Variants in PTPRR observed in about 807,000 individuals in gnomAD.
The protein encoded by PTPRR is protein tyrosine phosphatase receptor type R.
In PTPRR, 38 loss-of-function variants were observed where a neutral mutation model predicts 77.2. The ratio of observed to expected loss-of-function variants is 0.49; its 90% CI spans 0.38 to 0.65. The LOEUF (loss-of-function observed/expected upper bound fraction) is 0.65. Ranked by LOEUF, PTPRR falls within the 30% of genes least tolerant of loss-of-function variation. The pLI is 0.00. For missense variants in PTPRR, 744 were observed against 799.2 expected (o/e 0.93, Z 0.83); for synonymous variants, 299 against 283.1 (o/e 1.06, Z -0.57).
chr12:70,919,226 C>T (rs971695119), intron 1 of PTPRR, among the ~76,000 whole-genome samples: 1 of 152,140 alleles, frequency 6.6e-6, no homozygotes, highest in Non-Finnish European at 1.5e-5. Context: ...CTCATTACCC[C>T]TAGAACATAG....
At chr12:70,715,578 A>AG (rs1264129667) in intron 6 of PTPRR, among the ~76,000 whole-genome samples, 1 of 152,178 alleles carries the variant, frequency 6.6e-6, no homozygotes, top group Non-Finnish European at 1.5e-5. Flanking sequence ...GGCCACGCCC[A>AG]GGGGGGCCAG....
At chr12:70,896,846 C>A (rs1286206332) in intron 1 of PTPRR, among the ~76,000 whole-genome samples, 1 of 151,756 alleles carries the variant, frequency 6.6e-6, no homozygotes, top group Non-Finnish European at 1.5e-5. Context: ...CCAGTTTTCC[C>A]AGCACCATTT....
At chr12:70,867,484 G>A (rs1480870432) in intron 2 of PTPRR, among the ~76,000 whole-genome samples, 6 of 152,120 alleles carry the variant, frequency 3.9e-5, no homozygotes, top group South Asian at 2.1e-4. Flanking sequence ...TACAAGGGAT[G>A]TGAAGGACCT....
At chr12:70,722,000 C>A (rs1345808817) in intron 6 of PTPRR, among the ~76,000 whole-genome samples, 2 of 152,122 alleles carry the variant, frequency 1.3e-5, no homozygotes, top group African/African-American at 4.8e-5. Flanking sequence ...GAAATAAGAA[C>A]AAACTAGCAG....
At chr12:70,856,433 TTCAGG>T (rs1419188328) in intron 2 of PTPRR, among the ~76,000 whole-genome samples, 1 of 152,100 alleles carries the variant, frequency 6.6e-6, no homozygotes, top group Non-Finnish European at 1.5e-5. Flanking sequence ...ATGCCAGTAG[TTCAGG>T]TCAAATGGAG....
chr12:70,706,168 T>A (rs189453408), intron 6 of PTPRR, among the ~76,000 whole-genome samples: 201 of 152,238 alleles, frequency 1.3e-3, no homozygotes, highest in Non-Finnish European at 2.1e-3. Context: ...TCTATGACTT[T>A]TAAGTTCCGA....
At chr12:70,644,411 G>A (rs1157724908) in intron 13 of PTPRR, among the ~76,000 whole-genome samples, 1 of 152,096 alleles carries the variant, frequency 6.6e-6, no homozygotes, top group Non-Finnish European at 1.5e-5. Context: ...ATTACCAGGG[G>A]GGACCAGAGT....
At chr12:70,652,941 T>C (rs1430395393) in intron 13 of PTPRR, among the ~76,000 whole-genome samples, 2 of 152,028 alleles carry the variant, frequency 1.3e-5, no homozygotes, top group Admixed American at 1.3e-4. Context: ...AATGGTAACA[T>C]AACAAGAGCC....
intron 2 of PTPRR, among the ~76,000 whole-genome samples, chr12:70,840,720 A>T (rs1892381657): frequency 6.6e-6 from 1 of 152,122 alleles, no homozygotes; most frequent in African/African-American, 2.4e-5. Context: ...CAAATTTCTC[A>T]CTATGTCGAA....
At chr12:70,844,454 G>T (rs1008201057) in intron 2 of PTPRR, among the ~76,000 whole-genome samples, 7 of 152,010 alleles carry the variant, frequency 4.6e-5, no homozygotes, top group African/African-American at 1.7e-4. Flanking sequence ...ACATAAGAAG[G>T]TTTATAATAT....
intron 2 of PTPRR, among the ~76,000 whole-genome samples, chr12:70,847,388 T>G (rs1004897209): frequency 3.3e-5 from 5 of 152,176 alleles, no homozygotes; most frequent in Non-Finnish European, 5.9e-5. Flanking sequence ...TAAAAGCCAA[T>G]AGAAATTATA....
At chr12:70,843,072 G>C (rs1892423903) in intron 2 of PTPRR, among the ~76,000 whole-genome samples, 1 of 152,090 alleles carries the variant, frequency 6.6e-6, no homozygotes, top group African/African-American at 2.4e-5. Flanking sequence ...AAAAAACAAA[G>C]ACATACTTGT....
intron 10 of PTPRR, among the ~76,000 whole-genome samples, chr12:70,663,265 A>AT (rs1249769494): frequency 6.6e-6 from 1 of 152,232 alleles, no homozygotes; most frequent in East Asian, 1.9e-4. Flanking sequence ...AGTGACAATA[A>AT]TTATACTGCA....
intron 2 of PTPRR, among the ~76,000 whole-genome samples, chr12:70,887,449 C>CT (rs111383846): frequency 0.68 from 102,094 of 151,218 alleles, 35,545 homozygotes; most frequent in African/African-American, 0.85. Flanking sequence ...GAGACTCTTT[C>CT]CAAAAAAAAA....
intron 13 of PTPRR, among the ~76,000 whole-genome samples, chr12:70,656,308 T>C (rs1323684156): frequency 3.3e-5 from 5 of 152,156 alleles, no homozygotes; most frequent in African/African-American, 1.2e-4. Context: ...AGTGGGAGAT[T>C]CACTTGTGGT....
At chr12:70,873,252 C>CA (rs1172951366) in intron 2 of PTPRR, among the ~76,000 whole-genome samples, 5 of 152,110 alleles carry the variant, frequency 3.3e-5, no homozygotes, top group African/African-American at 1.2e-4. Flanking sequence ...ATCAGGCTGC[C>CA]AGCTCTCCAT....
chr12:70,665,758 G>C (rs1423419386), intron 10 of PTPRR, among the ~76,000 whole-genome samples: 1 of 151,494 alleles, frequency 6.6e-6, no homozygotes, highest in Non-Finnish European at 1.5e-5. Context: ...GCTATGTGAG[G>C]AGGCGGTCTA....
intron 2 of PTPRR, among the ~76,000 whole-genome samples, chr12:70,838,211 A>G (rs1315204360): frequency 6.6e-6 from 1 of 152,142 alleles, no homozygotes; most frequent in Non-Finnish European, 1.5e-5. Flanking sequence ...TATTGACAAT[A>G]AATAATGTAT....
intron 8 of PTPRR, among the ~76,000 whole-genome samples, chr12:70,697,790 ACT>A (rs1888280654): frequency 6.6e-6 from 1 of 151,750 alleles, no homozygotes; most frequent in African/African-American, 2.4e-5. Flanking sequence ...TGTTGAAAAG[ACT>A]CTCTTTTTCC....
Sources: gnomAD v4.1 joint callset for allele counts (sites outside exome capture counted in the v4.1 genomes callset) on GRCh38, gnomAD v4.1.1 for gene constraint, MANE v1.5 for transcripts, NCBI Gene and HGNC (gene_info 2026-07-23, HGNC 2026-07-21) for gene names.